CNTN3: variants seen among roughly 807,000 people sequenced by gnomAD.
The protein encoded by CNTN3 is contactin-3.
In CNTN3, 60 loss-of-function variants were observed where a neutral mutation model predicts 119.1. The ratio of observed to expected loss-of-function variants is 0.50; its 90% CI spans 0.41 to 0.62. CNTN3 has a LOEUF of 0.62. Among genes scored for constraint, CNTN3 ranks in the 20% least tolerant of loss-of-function variants. CNTN3 has a pLI of 0.00. For synonymous variants in CNTN3, 450 were observed against 438.7 expected (o/e 1.03, Z -0.32); for missense variants, 1,101 against 1,242.4 (o/e 0.89, Z 1.71).
intron 3 of CNTN3, among the ~76,000 whole-genome samples, chr3:74,493,530 T>C (rs775992523): frequency 2.0e-5 from 3 of 151,976 alleles, no homozygotes; most frequent in Admixed American, 6.6e-5. Flanking sequence ...TTACGAAAAT[T>C]TGGGGGGGTC....
chr3:74,584,017 G>A lies in CNTN3; in HGVS notation c.-81+30374C>T, dbSNP rs187662125. Among the ~76,000 whole-genome samples, 3 of 152,232 alleles carry A rather than the reference G, an allele frequency of 2.0e-5. No homozygotes were observed. In the East Asian group the frequency reaches 5.8e-4, roughly 29 times the overall value. On this transcript the variant is annotated intron_variant, in intron 1 of 22. Transcript: ENST00000263665. Reference sequence around the variant, plus strand: ...CAGCTTTTTCATTTGGACAAATGGAGGGAACAATACTTATTTCTTTCCCAC... The same window carrying A: ...CAGCTTTTTCATTTGGACAAATGGAAGGAACAATACTTATTTCTTTCCCAC...
chr3:74,408,887 A>G (rs1237293713), intron 5 of CNTN3, among the ~76,000 whole-genome samples: 3 of 152,188 alleles, frequency 2.0e-5, no homozygotes, highest in Admixed American at 1.3e-4. Context: ...AGTCTTAACT[A>G]GTATCCTTCT....
chr3:74,422,165 A>G (rs1299351278), intron 5 of CNTN3, among the ~76,000 whole-genome samples: 1 of 152,222 alleles, frequency 6.6e-6, no homozygotes, highest in African/African-American at 2.4e-5. Context: ...GAAGCTCATA[A>G]GCCAATGTGT....
intron 5 of CNTN3, among the ~76,000 whole-genome samples, chr3:74,409,396 T>C (rs1277881851): frequency 6.6e-6 from 1 of 152,218 alleles, no homozygotes; most frequent in African/African-American, 2.4e-5. Flanking sequence ...GATCAGCATA[T>C]AAAATTCTTT....
At chr3:74,597,354 C>A (rs1003900288) in intron 1 of CNTN3, among the ~76,000 whole-genome samples, 2 of 151,886 alleles carry the variant, frequency 1.3e-5, no homozygotes, top group Non-Finnish European at 2.9e-5. Context: ...AAGCAAAAAT[C>A]TTTCTAGAAC....
At chr3:74,319,233 G>T (rs1160028714) in intron 13 of CNTN3, among the ~76,000 whole-genome samples, 3 of 152,128 alleles carry the variant, frequency 2.0e-5, no homozygotes, top group Non-Finnish European at 4.4e-5. Flanking sequence ...AAAGAACAAA[G>T]CCAGAGGCAT....
intron 19 of CNTN3, among the ~76,000 whole-genome samples, chr3:74,289,997 A>G (rs773082193): frequency 6.6e-6 from 1 of 152,308 alleles, no homozygotes; most frequent in African/African-American, 2.4e-5. Context: ...TCTGTCTTTC[A>G]GTGAAACTCT....
At chr3:74,411,816 C>T (rs1223359829) in intron 5 of CNTN3, among the ~76,000 whole-genome samples, 1 of 152,116 alleles carries the variant, frequency 6.6e-6, no homozygotes, top group Non-Finnish European at 1.5e-5. Flanking sequence ...TGTTACTTAG[C>T]TGTGGAAGGT....
In CNTN3 at chr3:74,443,581, C is replaced by T. The variant is rs540765563; in HGVS notation, c.359-18641G>A. Among the ~76,000 whole-genome samples the T allele has an allele frequency of 4.6e-5, 7 of 152,234 alleles. No individual in the cohort carries two copies. The South Asian group carries it at 1.0e-3, about 23-fold the overall frequency. ...TTTCTCTCTGCACCATCTCTCCATC[C>T]CCTGTGGCACATCTGCACTTCAGTC... On this transcript the variant is annotated intron_variant, in intron 4 of 22. Transcript: ENST00000263665.
intron 11 of CNTN3, among the ~76,000 whole-genome samples, chr3:74,349,104 T>C (rs897212395): frequency 6.7e-6 from 1 of 149,300 alleles, no homozygotes; most frequent in Non-Finnish European, 1.5e-5. Flanking sequence ...AAAAAAAAAG[T>C]TTTAGAGTGA....
intron 4 of CNTN3, among the ~76,000 whole-genome samples, chr3:74,448,997 C>T (rs1008884417): frequency 3.3e-5 from 5 of 152,026 alleles, no homozygotes; most frequent in Non-Finnish European, 5.9e-5. Context: ...CACTTCCCAG[C>T]TGCTAGAATT....
At chr3:74,390,779 GGTAA>G (rs1328836009) in intron 5 of CNTN3, among the ~76,000 whole-genome samples, 1 of 152,106 alleles carries the variant, frequency 6.6e-6, no homozygotes, top group Non-Finnish European at 1.5e-5. Context: ...TTATAAACGT[GGTAA>G]TGGGATAATA....
intron 2 of CNTN3, among the ~76,000 whole-genome samples, chr3:74,506,408 T>C (rs189160106): frequency 1.2e-4 from 18 of 152,270 alleles, no homozygotes; most frequent in African/African-American, 3.9e-4. Context: ...GGTTAATTTA[T>C]AGTTATAGCG....
intron 5 of CNTN3, among the ~76,000 whole-genome samples, chr3:74,384,918 C>T (rs1704711247): frequency 6.6e-6 from 1 of 152,070 alleles, no homozygotes. Flanking sequence ...ATGTTTATTT[C>T]TTTCATCCCT....
At chr3:74,591,815 G>A (rs954792544) in intron 1 of CNTN3, among the ~76,000 whole-genome samples, 2 of 151,890 alleles carry the variant, frequency 1.3e-5, no homozygotes, top group Non-Finnish European at 2.9e-5. Context: ...TTGAAATCAA[G>A]AGCGAGACAT....
At chr3:74,437,167 C>T (rs973891577) in intron 4 of CNTN3, among the ~76,000 whole-genome samples, 1 of 152,060 alleles carries the variant, frequency 6.6e-6, no homozygotes, top group African/African-American at 2.4e-5. Context: ...AAATTAAAAA[C>T]CATGTTTCTG....
At chr3:74,415,310 T>C (rs1367884370) in intron 5 of CNTN3, among the ~76,000 whole-genome samples, 1 of 152,088 alleles carries the variant, frequency 6.6e-6, no homozygotes, top group Non-Finnish European at 1.5e-5. Context: ...TGGGGGAAAT[T>C]CACCTGTAGA....
chr3:74,426,449 A>G (rs1190111779), intron 4 of CNTN3, among the ~76,000 whole-genome samples: 1 of 152,198 alleles, frequency 6.6e-6, no homozygotes, highest in Non-Finnish European at 1.5e-5. Context: ...AATTATCTTC[A>G]AATTGATAAA....
intron 1 of CNTN3, among the ~76,000 whole-genome samples, chr3:74,524,174 T>A (rs2107126347): frequency 6.6e-6 from 1 of 152,078 alleles, no homozygotes; most frequent in Non-Finnish European, 1.5e-5. Flanking sequence ...AGATAACATG[T>A]ACATTGGTTA....
Sources: allele counts gnomAD v4.1 joint callset (sites outside exome capture counted in the v4.1 genomes callset), GRCh38; gene constraint gnomAD v4.1.1; transcripts MANE v1.5; gene names NCBI Gene and HGNC (gene_info 2026-07-23, HGNC 2026-07-21).